NRG1: variants seen among roughly 807,000 people sequenced by gnomAD.
The protein encoded by NRG1 is pro-neuregulin-1, membrane-bound isoform.
Under a neutral mutation model 63.8 loss-of-function variants are expected in NRG1, and 18 were observed. That is an observed-to-expected ratio of 0.28 (90% CI 0.19 to 0.42). The LOEUF (loss-of-function observed/expected upper bound fraction) is 0.42, where lower values mean the gene tolerates loss of function less well. Among genes scored for constraint, NRG1 ranks in the 10% least tolerant of loss-of-function variants. The pLI, the probability that NRG1 is intolerant of heterozygous loss-of-function variation, is 1.00. For missense variants in NRG1, 762 were observed against 814.7 expected, an observed-to-expected ratio of 0.94 and a Z score of 0.79; for synonymous variants, 302 against 301.3, an observed-to-expected ratio of 1.00 and a Z score of -0.02.
intron 1 of NRG1, among the ~76,000 whole-genome samples, chr8:32,469,619 T>C (rs1422419030): frequency 1.3e-5 from 2 of 152,158 alleles, no homozygotes; most frequent in East Asian, 3.9e-4. Flanking sequence ...CATTATAAAG[T>C]GTTTAGCAGA....
chr8:31,901,052 A>ATC, intron 1 of NRG1, among the ~76,000 whole-genome samples: 1 of 152,336 alleles, frequency 6.6e-6, no homozygotes, highest in Non-Finnish European at 1.5e-5. Flanking sequence ...CTGGAAAGGT[A>ATC]TCTCTCATTC....
chr8:32,253,137 A>T (rs1849309615), intron 1 of NRG1, among the ~76,000 whole-genome samples: 1 of 152,142 alleles, frequency 6.6e-6, no homozygotes, highest in Admixed American at 6.5e-5. Context: ...CATGTCATCT[A>T]CAAACAGAGA....
chr8:32,426,988 CTT>C (rs557526201), intron 1 of NRG1, among the ~76,000 whole-genome samples: 2 of 145,844 alleles, frequency 1.4e-5, no homozygotes. Flanking sequence ...TCCACTTGTC[CTT>C]TTTTTTTTTA....
chr8:31,679,232 T>C (rs1272530467), intron 1 of NRG1, among the ~76,000 whole-genome samples: 1 of 152,170 alleles, frequency 6.6e-6, no homozygotes, highest in Non-Finnish European at 1.5e-5. Flanking sequence ...TTTTTAGATG[T>C]ATTTGTAAAC....
chr8:32,431,993 G>A (rs1818207740), intron 1 of NRG1, among the ~76,000 whole-genome samples: 1 of 152,260 alleles, frequency 6.6e-6, no homozygotes, highest in South Asian at 2.1e-4. Flanking sequence ...TTGGGTTGAA[G>A]TGTTGGCCTC....
intron 1 of NRG1, among the ~76,000 whole-genome samples, chr8:31,743,790 T>A (rs769332463): frequency 1.3e-4 from 20 of 152,138 alleles, no homozygotes; most frequent in Non-Finnish European, 2.2e-4. Context: ...CTGCCCAGAA[T>A]AATAAAATTA....
intron 1 of NRG1, among the ~76,000 whole-genome samples, chr8:32,231,375 G>A (rs1447453186): frequency 6.6e-6 from 1 of 151,932 alleles, no homozygotes; most frequent in Non-Finnish European, 1.5e-5. Flanking sequence ...CATGTATTTT[G>A]TTAATTGATA....
intron 1 of NRG1, among the ~76,000 whole-genome samples, chr8:31,980,061 A>G (rs1231388060): frequency 6.6e-6 from 1 of 152,086 alleles, no homozygotes; most frequent in Non-Finnish European, 1.5e-5. Context: ...TGTTTTATGT[A>G]TGAGGAAATG....
At chr8:31,951,518 G>A (rs558177324) in intron 1 of NRG1, among the ~76,000 whole-genome samples, 19 of 152,310 alleles carry the variant, frequency 1.2e-4, no homozygotes, top group African/African-American at 4.3e-4. Flanking sequence ...CAGCAGCATT[G>A]ACACTGAGGT....
intron 1 of NRG1, among the ~76,000 whole-genome samples, chr8:32,518,507 T>C (rs903942625): frequency 2.0e-5 from 3 of 152,140 alleles, no homozygotes; most frequent in Non-Finnish European, 4.4e-5. Context: ...CCTGCTGCCC[T>C]AACTCCCACT....
chr8:32,550,512 A>G (rs961353933), intron 1 of NRG1, among the ~76,000 whole-genome samples: 55 of 152,244 alleles, frequency 3.6e-4, no homozygotes, highest in African/African-American at 1.3e-3. Context: ...GGTCCTCTGT[A>G]GATGGTCTAA....
intron 1 of NRG1, among the ~76,000 whole-genome samples, chr8:32,331,520 G>A (rs946095842): frequency 2.0e-5 from 3 of 152,026 alleles, no homozygotes; most frequent in Non-Finnish European, 2.9e-5. Context: ...GACAGAGGGA[G>A]ATCTTGTCTC....
At chr8:32,073,703 G>A (rs1826088644) in intron 1 of NRG1, among the ~76,000 whole-genome samples, 1 of 152,106 alleles carries the variant, frequency 6.6e-6, no homozygotes, top group Non-Finnish European at 1.5e-5. Context: ...CCACACAGAA[G>A]GATAAATGTC....
At chr8:31,760,557 C>T (rs1817431527) in intron 1 of NRG1, among the ~76,000 whole-genome samples, 1 of 152,054 alleles carries the variant, frequency 6.6e-6, no homozygotes, top group South Asian at 2.1e-4. Flanking sequence ...ACTCATCTGA[C>T]AAAGGGCTAA....
chr8:32,424,993 G>T (rs1817171995), intron 1 of NRG1, among the ~76,000 whole-genome samples: 1 of 152,166 alleles, frequency 6.6e-6, no homozygotes. Context: ...GGTCATATAT[G>T]ATTGTCCCTG....
Position 31,680,411 on chromosome 8 carries a change from G to A in NRG1, c.37+40980G>A, listed in dbSNP as rs1488268048. Among the ~76,000 whole-genome samples, 10 of 151,770 alleles carry A rather than the reference G, an allele frequency of 6.6e-5. No homozygotes were observed. In the South Asian group the frequency reaches 1.0e-3, roughly 16 times the overall value. On this transcript the variant is annotated intron_variant, in intron 1 of 10. Coordinates refer to the NRG1 transcript ENST00000519301. ...GCAGTGTTTGGTTTTCTGTTCTTGCGATAGTTTACTGAGAATGATGACTTC... is the reference window on the plus strand; with the variant it reads ...GCAGTGTTTGGTTTTCTGTTCTTGCAATAGTTTACTGAGAATGATGACTTC...
At chr8:31,813,978 C>T (rs1205719373) in intron 1 of NRG1, among the ~76,000 whole-genome samples, 2 of 152,118 alleles carry the variant, frequency 1.3e-5, no homozygotes, top group African/African-American at 4.8e-5. Flanking sequence ...TATTACATGC[C>T]AGTGAAAAAC....
At chr8:32,575,241 C>T (rs575621629) in intron 1 of NRG1, among the ~76,000 whole-genome samples, 1 of 152,266 alleles carries the variant, frequency 6.6e-6, no homozygotes, top group Admixed American at 6.5e-5. Flanking sequence ...ATATGTCATT[C>T]TTGGCTACTT....
At chr8:31,849,080 A>G (rs1366636005) in intron 1 of NRG1, among the ~76,000 whole-genome samples, 2 of 152,208 alleles carry the variant, frequency 1.3e-5, no homozygotes, top group Non-Finnish European at 2.9e-5. Context: ...CTTTTAAAAC[A>G]GACTCCAGAG....
Sources: allele counts gnomAD v4.1 joint callset (sites outside exome capture counted in the v4.1 genomes callset), GRCh38; gene constraint gnomAD v4.1.1; transcripts MANE v1.5; gene names NCBI Gene and HGNC (gene_info 2026-07-23, HGNC 2026-07-21).